The following SLC12A6 variants were observed in gnomAD, a reference collection of about 807,000 sequenced individuals.
SLC12A6 encodes K-Cl cotransporter 3.
In SLC12A6, 66 loss-of-function variants were observed where a neutral mutation model predicts 135.3. That is an observed-to-expected ratio of 0.49 (90% CI 0.40 to 0.60). SLC12A6 has a LOEUF of 0.60. Among genes scored for constraint, SLC12A6 ranks in the 20% least tolerant of loss-of-function variants. The pLI, the probability that SLC12A6 is intolerant of heterozygous loss-of-function variation, is 0.00. For synonymous variants in SLC12A6, 513 were observed against 508.8 expected (o/e 1.01, Z -0.11); for missense variants, 1,058 against 1,452.3 (o/e 0.73, Z 4.41).
At chr15:34,300,823 A>G (rs1896200631) in intron 2 of SLC12A6, among the ~76,000 whole-genome samples, 2 of 147,584 alleles carry the variant, frequency 1.4e-5, no homozygotes. Context: ...AAAGAATGAG[A>G]GGAGCAGGTT....
chr15:34,313,734 G>T (rs1888425640), intron 2 of SLC12A6, among the ~76,000 whole-genome samples: 1 of 152,184 alleles, frequency 6.6e-6, no homozygotes, highest in South Asian at 2.1e-4. Flanking sequence ...TGCCTCTCTT[G>T]TTAGGGGCTA....
chr15:34,314,759 C>T (rs1361528867), intron 2 of SLC12A6: 1 of 152,180 alleles, frequency 6.6e-6, no homozygotes, highest in Non-Finnish European at 1.5e-5. Flanking sequence ...TTACAACTAA[C>T]TGATCATAAC....
chr15:34,237,276 G>T lies in SLC12A6; in HGVS notation c.2934+143C>A, dbSNP rs1422389799. On this transcript the variant is annotated intron_variant, in intron 22 of 25. Coordinates refer to ENST00000354181, the MANE Select transcript of SLC12A6 (RefSeq NM_001365088.1). The stretch of plus-strand genomic sequence containing the variant: ...CATTCTACTTAGGGCAACAAATTAG[G>T]GTTTTTTTTTGTTTTTTTTTTGGCA... 3 of 641,922 alleles carry T rather than the reference G, an allele frequency of 4.7e-6. No homozygotes were observed. In the African/African-American group the frequency reaches 6.1e-5, roughly 13 times the overall value. The allele number at this position is 641,922 out of a possible 1,614,324, so 39.8% of individuals were successfully genotyped here. A position where few individuals can be genotyped will look rare whatever the true frequency, so the allele number is the denominator to read the frequency against.
intron 25 of SLC12A6, among the ~76,000 whole-genome samples, chr15:34,234,253 A>G (rs1374003917): frequency 6.6e-6 from 1 of 152,230 alleles, no homozygotes; most frequent in Non-Finnish European, 1.5e-5. Context: ...GAAGAAGAAA[A>G]GCCACAATAG....
intron 13 of SLC12A6, among the ~76,000 whole-genome samples, chr15:34,248,373 G>A (rs1403560837): frequency 6.6e-6 from 1 of 152,096 alleles, no homozygotes; most frequent in Non-Finnish European, 1.5e-5. Context: ...CCTAGAAGTG[G>A]AAATGCTGAG....
At chr15:34,303,235 T>C (rs147323116) in intron 2 of SLC12A6, among the ~76,000 whole-genome samples, 97 of 152,274 alleles carry the variant, frequency 6.4e-4, no homozygotes, top group Admixed American at 1.4e-3. Context: ...TGATTTCATG[T>C]TACAGTCAAA....
At chr15:34,321,112 G>T (rs1427988267) in intron 2 of SLC12A6, among the ~76,000 whole-genome samples, 1 of 152,134 alleles carries the variant, frequency 6.6e-6, no homozygotes, top group Admixed American at 6.5e-5. Context: ...AGTCACCATT[G>T]TAAGTGGTGA....
At chr15:34,257,609 C>T in intron 6 of SLC12A6, 33 bp downstream of exon 6, 2 of 1,596,048 alleles carry the variant, frequency 1.3e-6, no homozygotes, top group Non-Finnish European at 1.7e-6. Flanking sequence ...TTGCAACGTT[C>T]AGGTGATCTC....
rs536506096 is a variant in SLC12A6 at position 34,308,630 on chromosome 15, C to CAAAAAAAAAAAAAAAAAAAA, written c.271+27760_271+27779dup. The stretch of plus-strand genomic sequence containing the variant: ...AGGAAGCCAGACACTGTCCACCTGA[C>CAAAAAAAAAAAAAAAAAAAA]AAAAAAAAAAAAAAAAAAAAAACAA... On this transcript the variant is annotated intron_variant, in intron 2 of 25. Coordinates refer to ENST00000354181, the MANE Select transcript of SLC12A6 (RefSeq NM_001365088.1). 4.7e-5 allele frequency among the ~76,000 whole-genome samples: 3 copies of CAAAAAAAAAAAAAAAAAAAA among 63,336 alleles called. 1 individual carries two copies. Among genetic ancestry groups the CAAAAAAAAAAAAAAAAAAAA allele is most frequent in the Non-Finnish European group, 9.9e-5 (3 of 30,214 alleles). The allele number at this position is 63,336 out of a possible 152,430, so 41.6% of individuals were successfully genotyped here. A position where few individuals can be genotyped will look rare whatever the true frequency, so the allele number is the denominator to read the frequency against.
chr15:34,336,735 T>TAA lies in SLC12A6; in HGVS notation c.-56_-55insTT. 1 of 1,425,324 alleles carries TAA rather than the reference T, an allele frequency of 7.0e-7. No homozygotes were observed. Among genetic ancestry groups the TAA allele is most frequent in the Non-Finnish European group, 9.9e-7 (1 of 1,008,198 alleles). 88.3% of individuals were successfully genotyped at this position (1,425,324 alleles called of 1,614,324 possible). On this transcript the variant is annotated 5_prime_UTR_variant, in exon 2 of 26. Coordinates refer to ENST00000354181, the MANE Select transcript of SLC12A6 (RefSeq NM_001365088.1). Reference sequence around the variant, plus strand: ...GGGGAACCTCGCAAAATCTTCCTCTTACGCTAGCTACTTTTGACTGCAATA... The same window carrying TAA: ...GGGGAACCTCGCAAAATCTTCCTCTTAAACGCTAGCTACTTTTGACTGCAATA...
At position 34,238,342 on chromosome 15, in the gene SLC12A6, A is replaced by G. The variant is rs1891415339; in HGVS notation, c.2692T>C (p.Phe898Leu). ...LALLVAKNISFFPSNVEQFSE... is the reference protein window; with the variant it reads ...LALLVAKNISLFPSNVEQFSE... The stretch of plus-strand genomic sequence containing the variant: ...AATTGCTCCACATTGCTGGGAAAGA[A>G]GGAGATGTTTTTAGCCACCAGCAGT... Residue 898 changes from phenylalanine (F) to leucine (L), a missense_variant, in exon 21 of 26, where the codon TTC (phenylalanine) becomes CTC (leucine). This residue lies in a region of SLC12A6 where 245 missense variants were observed against 440.8 expected (regional missense o/e 0.56). Coordinates refer to ENST00000354181, the MANE Select transcript of SLC12A6 (RefSeq NM_001365088.1). 1 of 1,613,832 alleles carries G rather than the reference A, an allele frequency of 6.2e-7. No homozygotes were observed. The highest frequency in any genetic ancestry group is 1.7e-5 in the Admixed American group (1 of 60,004).
At chr15:34,234,896 G>T (rs1891151968) in intron 25 of SLC12A6, among the ~76,000 whole-genome samples, 1 of 152,120 alleles carries the variant, frequency 6.6e-6, no homozygotes, top group South Asian at 2.1e-4. Context: ...AAAGGATGTG[G>T]GTATGCTGTC....
At chr15:34,310,429 G>A (rs1348278116) in intron 2 of SLC12A6, among the ~76,000 whole-genome samples, 17 of 132,010 alleles carry the variant, frequency 1.3e-4, no homozygotes, top group African/African-American at 3.0e-4. Context: ...GTGTGTGTGT[G>A]TGTGTGTGTC....
At chr15:34,328,862 C>T (rs1399726022) in intron 2 of SLC12A6, among the ~76,000 whole-genome samples, 14 of 152,162 alleles carry the variant, frequency 9.2e-5, no homozygotes, top group Admixed American at 7.9e-4. Context: ...CCACTGCCTA[C>T]CCAAGTCCAG....
intron 2 of SLC12A6, among the ~76,000 whole-genome samples, chr15:34,317,651 C>T (rs1438708592): frequency 1.3e-5 from 2 of 152,092 alleles, no homozygotes; most frequent in Admixed American, 1.3e-4. Flanking sequence ...TGCAGTAAGC[C>T]GAGATCACCC....
chr15:34,241,775 CTAAT>C (rs1197113084), intron 17 of SLC12A6, among the ~76,000 whole-genome samples: 3 of 152,172 alleles, frequency 2.0e-5, no homozygotes, highest in African/African-American at 4.8e-5. Context: ...TTGTTCAGAA[CTAAT>C]TTCTTTTTCA....
chr15:34,250,425 G>A, intron 12 of SLC12A6, 70 bp from the exon 13 acceptor site: 2 of 997,762 alleles, frequency 2.0e-6, no homozygotes, highest in South Asian at 2.5e-5. Context: ...ACACTCAGTA[G>A]ACACTTTCTT....
At chr15:34,281,875 C>G (rs1262891309) in intron 2 of SLC12A6, among the ~76,000 whole-genome samples, 2 of 151,994 alleles carry the variant, frequency 1.3e-5, no homozygotes, top group Middle Eastern at 3.4e-3. Flanking sequence ...CCAGTGCATA[C>G]AAAAAGTTAA....
chr15:34,275,895 T>C (rs917736141), intron 2 of SLC12A6, among the ~76,000 whole-genome samples: 1 of 152,238 alleles, frequency 6.6e-6, no homozygotes, highest in South Asian at 2.1e-4. Flanking sequence ...ATATAAAATG[T>C]TGAGAAAGGG....
Sources: gnomAD v4.1 joint callset for allele counts (sites outside exome capture counted in the v4.1 genomes callset) on GRCh38, gnomAD v4.1.1 for gene constraint, gnomAD v4.1.1 regional missense constraint, MANE v1.5 for transcripts, NCBI Gene and HGNC (gene_info 2026-07-23, HGNC 2026-07-21) for gene names.